FGF7: variants seen among roughly 807,000 people sequenced by gnomAD.
FGF7 encodes the protein FGF-7.
Under a neutral mutation model 20.5 loss-of-function variants are expected in FGF7, and 6 were observed. The ratio of observed to expected loss-of-function variants is 0.29; its 90% CI spans 0.16 to 0.58. FGF7 has a LOEUF of 0.58. Among genes scored for constraint, FGF7 ranks in the 20% least tolerant of loss-of-function variants. The pLI is 0.90. For synonymous variants in FGF7, 64 were observed against 74.7 expected, an observed-to-expected ratio of 0.86 and a Z score of 0.74; for missense variants, 144 against 228.8, an observed-to-expected ratio of 0.63 and a Z score of 2.39.
intron 2 of FGF7, among the ~76,000 whole-genome samples, chr15:49,467,975 A>G (rs963930108): frequency 2.6e-5 from 4 of 152,202 alleles, no homozygotes; most frequent in African/African-American, 7.2e-5. Flanking sequence ...ATATTGCACA[A>G]CCGAATAGTT....
chr15:49,443,217 A>C (rs374316485), intron 2 of FGF7, among the ~76,000 whole-genome samples: 1 of 151,718 alleles, frequency 6.6e-6, no homozygotes, highest in South Asian at 2.1e-4. Flanking sequence ...TAAACTTAGA[A>C]TGAAATAAAT....
rs535335736 is a variant in FGF7, at chr15:49,487,530, T to C, written c.*3026T>C. 1.3e-5 allele frequency: 2 copies of C among 151,862 alleles called. No individual in the cohort carries two copies. The highest frequency in any genetic ancestry group is 1.9e-4 in the East Asian group (1 of 5,174). 9.4% of individuals were successfully genotyped at this position (151,862 alleles called of 1,614,324 possible). ...GGATGCTGGAGGTAAATTCTTAGGG[T>C]TTCTATCTCATAGAGTTTGCTCTTC... On this transcript the variant is annotated 3_prime_UTR_variant, in exon 4 of 4. Transcript: ENST00000267843.
chr15:49,465,355 C>T (rs574171938), intron 2 of FGF7, among the ~76,000 whole-genome samples: 33 of 150,052 alleles, frequency 2.2e-4, no homozygotes, highest in African/African-American at 7.3e-4. Flanking sequence ...CCAGGCTGCT[C>T]GAACTCCTGA....
intron 2 of FGF7, among the ~76,000 whole-genome samples, chr15:49,477,981 A>G (rs1303382931): frequency 3.3e-5 from 5 of 152,248 alleles, no homozygotes; most frequent in African/African-American, 1.2e-4. Context: ...TTACCTGGGT[A>G]TATTGTGTGA....
At chr15:49,454,376 A>G (rs1597303070) in intron 2 of FGF7, among the ~76,000 whole-genome samples, 1 of 152,150 alleles carries the variant, frequency 6.6e-6, no homozygotes, top group African/African-American at 2.4e-5. Flanking sequence ...AAAAACACTA[A>G]TATCATCCTA....
intron 2 of FGF7, among the ~76,000 whole-genome samples, chr15:49,432,895 C>T (rs559686370): frequency 1.4e-4 from 21 of 151,404 alleles, no homozygotes; most frequent in African/African-American, 4.4e-4. Flanking sequence ...TTTGGGCCAC[C>T]GATAAACTAA....
At chr15:49,470,623 CTTT>C (rs2054654694) in intron 2 of FGF7, among the ~76,000 whole-genome samples, 1 of 152,182 alleles carries the variant, frequency 6.6e-6, no homozygotes, top group Non-Finnish European at 1.5e-5. Flanking sequence ...TCTCTAACTT[CTTT>C]TGCTTTAGCC....
intron 2 of FGF7, among the ~76,000 whole-genome samples, chr15:49,469,278 T>A (rs1454006395): frequency 6.6e-6 from 1 of 152,172 alleles, no homozygotes; most frequent in African/African-American, 2.4e-5. Context: ...TTAGAGATAA[T>A]TATACCACTT....
At chr15:49,475,184 C>T (rs1323625683) in intron 2 of FGF7, among the ~76,000 whole-genome samples, 2 of 152,032 alleles carry the variant, frequency 1.3e-5, no homozygotes, top group African/African-American at 4.8e-5. Context: ...AGGAATAGAA[C>T]AAGGAGTGTG....
intron 2 of FGF7, among the ~76,000 whole-genome samples, chr15:49,454,139 T>G (rs2053045012): frequency 6.6e-6 from 1 of 152,126 alleles, no homozygotes; most frequent in Admixed American, 6.5e-5. Context: ...GGGGCATACT[T>G]TTATAAAAGA....
At chr15:49,456,940 C>T (rs959142912) in intron 2 of FGF7, among the ~76,000 whole-genome samples, 3 of 152,072 alleles carry the variant, frequency 2.0e-5, no homozygotes, top group African/African-American at 7.2e-5. Context: ...AAGATACCTT[C>T]ATATTATAGA....
chr15:49,448,297 T>G (rs1269263153), intron 2 of FGF7, among the ~76,000 whole-genome samples: 3 of 151,718 alleles, frequency 2.0e-5, no homozygotes, highest in Non-Finnish European at 4.4e-5. Flanking sequence ...TGTTACCTTT[T>G]CTCCCTCTTT....
intron 2 of FGF7, among the ~76,000 whole-genome samples, chr15:49,441,964 C>T (rs1292012326): frequency 6.6e-6 from 1 of 151,316 alleles, no homozygotes; most frequent in African/African-American, 2.4e-5. Context: ...GTCTGTCTGG[C>T]TAGAGCTCCT....
At chr15:49,479,610 T>G (rs1207093964) in intron 2 of FGF7, among the ~76,000 whole-genome samples, 2 of 133,878 alleles carry the variant, frequency 1.5e-5, no homozygotes, top group Non-Finnish European at 3.2e-5. Context: ...TTTTTTTTTT[T>G]TTTTTTTTTT....
chr15:49,467,244 T>C (rs2054348109), intron 2 of FGF7, among the ~76,000 whole-genome samples: 1 of 152,182 alleles, frequency 6.6e-6, no homozygotes, highest in South Asian at 2.1e-4. Context: ...CTCCTAGAGG[T>C]AGCTATGAAC....
intron 2 of FGF7, among the ~76,000 whole-genome samples, chr15:49,447,795 C>T (rs551702385): frequency 4.6e-5 from 7 of 151,628 alleles, no homozygotes; most frequent in Non-Finnish European, 1.0e-4. Context: ...AACTGGTCAC[C>T]AACATGATGG....
chr15:49,461,105 A>C (rs1416063285), intron 2 of FGF7, among the ~76,000 whole-genome samples: 2 of 152,098 alleles, frequency 1.3e-5, no homozygotes, highest in African/African-American at 4.8e-5. Context: ...TCCCTGACTT[A>C]AATATCTCTT....
intron 2 of FGF7, among the ~76,000 whole-genome samples, chr15:49,463,983 C>A (rs2054040814): frequency 6.6e-6 from 1 of 151,960 alleles, no homozygotes; most frequent in Non-Finnish European, 1.5e-5. Context: ...TAAAGCTGAT[C>A]TTTTTCATTG....
intron 2 of FGF7, among the ~76,000 whole-genome samples, chr15:49,451,854 C>T (rs2052777943): frequency 6.6e-6 from 1 of 152,092 alleles, no homozygotes; most frequent in East Asian, 1.9e-4. Context: ...AAAACTAAGA[C>T]CCACTTTGTA....
Sources: gnomAD v4.1 joint callset for allele counts (sites outside exome capture counted in the v4.1 genomes callset) on GRCh38, gnomAD v4.1.1 for gene constraint, MANE v1.5 for transcripts, NCBI Gene and HGNC (gene_info 2026-07-23, HGNC 2026-07-21) for gene names.